Variants in RIPOR2 observed in about 807,000 individuals in gnomAD.
The protein encoded by RIPOR2 is rho family-interacting cell polarization regulator 2.
A neutral mutation model predicts 114.5 loss-of-function variants in RIPOR2; 39 were observed. The ratio of observed to expected loss-of-function variants is 0.34; its 90% confidence interval spans 0.26 to 0.44. The LOEUF is 0.44. RIPOR2 is among the 20% of genes least tolerant of loss of function. The pLI is 1.00. For missense variants in RIPOR2, 1,007 were observed against 1,255.1 expected (o/e 0.80, Z 2.99); for synonymous variants, 445 against 484.4 (o/e 0.92, Z 1.07).
At chr6:24,987,407 G>A (rs1014146201) in intron 1 of RIPOR2, among the ~76,000 whole-genome samples, 1 of 152,182 alleles carries the variant, frequency 6.6e-6, no homozygotes, top group Non-Finnish European at 1.5e-5. Context: ...ATGACTGACG[G>A]GTGGTGCCAT....
At position 24,871,744 on chromosome 6, in the gene RIPOR2, T is replaced by C. The variant is rs1373596440; in HGVS notation, c.424-855A>G. On this transcript the variant is annotated intron_variant, in intron 4 of 21. Transcript: ENST00000643898. ...GTGTGCTCATAGTATCATAGTATAA[T>C]CAGTGCACTATCCTCATATCCTCTA... Among the ~76,000 whole-genome samples the C allele has an allele frequency of 2.0e-5, 3 of 152,190 alleles. No individual in the cohort carries two copies. The East Asian group carries it at 5.8e-4, about 29-fold the overall frequency.
intron 7 of RIPOR2, 35 bp downstream of exon 7, chr6:24,865,266 G>T (rs1764473695): frequency 1.3e-6 from 2 of 1,561,670 alleles, no homozygotes; most frequent in South Asian, 1.2e-5. Context: ...AGGCCAGATG[G>T]GATTCGGCAA....
chr6:24,854,198 C>T (rs1270188720), intron 8 of RIPOR2, among the ~76,000 whole-genome samples: 1 of 150,978 alleles, frequency 6.6e-6, no homozygotes, highest in African/African-American at 2.4e-5. Context: ...AGTGGAGAGA[C>T]AGAAGGAGAT....
chr6:24,837,153 C>T lies in RIPOR2; in HGVS notation c.2040-1282G>A, dbSNP rs112872178. On this transcript the variant is annotated intron_variant, in intron 14 of 21. Coordinates refer to ENST00000643898, the MANE Select transcript of RIPOR2 (RefSeq NM_001286445.3). The stretch of plus-strand genomic sequence containing the variant: ...TATTATTTTTTTTGAGACGGAGTCT[C>T]GCACTGCCACCCAGGTTGGAGTGCA... 4.1e-3 allele frequency among the ~76,000 whole-genome samples: 627 copies of T among 152,226 alleles called. 3 individuals are homozygous for T. Among genetic ancestry groups the T allele is most frequent in the African/African-American group, 0.014 (575 of 41,536 alleles).
intron 21 of RIPOR2, among the ~76,000 whole-genome samples, chr6:24,808,072 T>C (rs1581452047): frequency 2.0e-5 from 3 of 152,308 alleles, no homozygotes; most frequent in African/African-American, 7.2e-5. Flanking sequence ...GCAGAATCTT[T>C]GGGAGTAGAT....
intron 9 of RIPOR2, 75 bp downstream of exon 9, chr6:24,852,500 C>T: frequency 8.8e-7 from 1 of 1,136,098 alleles, no homozygotes; most frequent in Non-Finnish European, 1.3e-6. Flanking sequence ...ACTTGAAAAG[C>T]AAAATAATGA....
At chr6:24,933,740 T>C (rs1364517777) in intron 1 of RIPOR2, among the ~76,000 whole-genome samples, 2 of 152,160 alleles carry the variant, frequency 1.3e-5, no homozygotes, top group African/African-American at 2.4e-5. Flanking sequence ...TTAGCTTGTA[T>C]GGGTACCACG....
chr6:24,894,041 A>G (rs920291289), intron 1 of RIPOR2, among the ~76,000 whole-genome samples: 2 of 152,160 alleles, frequency 1.3e-5, no homozygotes, highest in African/African-American at 2.4e-5. Flanking sequence ...CGAGCTACCA[A>G]AGAATTTAGT....
At chr6:24,933,780 C>T (rs116494809) in intron 1 of RIPOR2, among the ~76,000 whole-genome samples, 2,046 of 152,258 alleles carry the variant, frequency 0.013, 22 homozygotes, top group Non-Finnish European at 0.025. Context: ...GTCTGAATCT[C>T]GTTTGACTCC....
In RIPOR2 at chr6:24,977,653, C is replaced by T. The variant is rs376585500; in HGVS notation, c.76+64198G>A. Among the ~76,000 whole-genome samples the T allele has an allele frequency of 2.6e-4, 39 of 152,142 alleles. 2 individuals carry two copies. In the South Asian group the frequency reaches 7.1e-3, roughly 28 times the overall value. The stretch of plus-strand genomic sequence containing the variant: ...TCGATGGAAGGAAAAGAGCCAGGTC[C>T]CGTCACTGGCCCATCAGTGATGGGA... On this transcript the variant is annotated intron_variant, in intron 1 of 13. Coordinates refer to the RIPOR2 transcript ENST00000510784.
At chr6:25,005,738 T>TACATATATATACATAC (rs1554130559) in intron 1 of RIPOR2, among the ~76,000 whole-genome samples, 1 of 70,700 alleles carries the variant, frequency 1.4e-5, no homozygotes, top group Non-Finnish European at 3.3e-5. Context: ...TATATATATA[T>TACATATATATACATAC]ATACATTTAC....
chr6:25,007,425 T>C (rs1248168979), intron 1 of RIPOR2, among the ~76,000 whole-genome samples: 1 of 152,202 alleles, frequency 6.6e-6, no homozygotes, highest in Non-Finnish European at 1.5e-5. Context: ...CTCAATACTA[T>C]GACAAATCCT....
At chr6:24,941,483 T>G (rs968257781) in intron 1 of RIPOR2, among the ~76,000 whole-genome samples, 2 of 152,218 alleles carry the variant, frequency 1.3e-5, no homozygotes, top group African/African-American at 2.4e-5. Flanking sequence ...ATAATTTCAC[T>G]TTGAATCAGT....
chr6:24,858,181 C>A lies in RIPOR2; in HGVS notation c.715+2792G>T, dbSNP rs997944061. 1.3e-5 allele frequency among the ~76,000 whole-genome samples: 2 copies of A among 152,246 alleles called. No homozygotes were observed. The highest frequency in any genetic ancestry group is 2.9e-5 in the Non-Finnish European group (2 of 68,042). On this transcript the variant is annotated intron_variant, in intron 8 of 21. Transcript: ENST00000643898. The surrounding 1 kb of genome is among the most constrained non-coding windows in gnomAD (Gnocchi z 4.0). The stretch of plus-strand genomic sequence containing the variant: ...TGTTCCATTGAATGAGAATGCACAG[C>A]CTCATATGTCTGTTTTCTCTGGTAG...
At chr6:25,025,119 G>C (rs542523225) in intron 1 of RIPOR2, among the ~76,000 whole-genome samples, 1 of 152,288 alleles carries the variant, frequency 6.6e-6, no homozygotes, top group South Asian at 2.1e-4. Context: ...AGTTTGATAT[G>C]TAGCGGTCTC....
At chr6:25,004,986 TACACACACACACAC>T (rs58120451) in intron 1 of RIPOR2, among the ~76,000 whole-genome samples, 18,147 of 146,490 alleles carry the variant, frequency 0.12, 1,595 homozygotes, top group East Asian at 0.45. Flanking sequence ...TCAAATAGGC[TACACACACACACAC>T]ACACACACAC....
chr6:24,912,458 G>GC lies in RIPOR2; in HGVS notation c.61+23379dup, dbSNP rs34377259. Reference sequence around the variant, plus strand: ...TGCATCCATTTTTCCAAGATCCCTTGCCCCCCCCCTTTTTTTTTTGCCCTT... The same window carrying GC: ...TGCATCCATTTTTCCAAGATCCCTTGCCCCCCCCCCTTTTTTTTTTGCCCTT... On this transcript the variant is annotated intron_variant, in intron 1 of 21. Coordinates refer to ENST00000643898, the MANE Select transcript of RIPOR2 (RefSeq NM_001286445.3). Among the ~76,000 whole-genome samples the GC allele has an allele frequency of 7.0e-3, 913 of 130,140 alleles. 7 individuals carry two copies. Among genetic ancestry groups the GC allele is most frequent in the Middle Eastern group, 0.016 (4 of 252 alleles). The allele number at this position is 130,140 out of a possible 152,430, so 85.4% of individuals were successfully genotyped here. A position where few individuals can be genotyped will look rare whatever the true frequency, so the allele number is the denominator to read the frequency against.
intron 1 of RIPOR2, among the ~76,000 whole-genome samples, chr6:24,881,693 A>G (rs1047227416): frequency 2.0e-5 from 3 of 152,202 alleles, no homozygotes; most frequent in Admixed American, 2.0e-4. Flanking sequence ...AAGATTTTAC[A>G]TGTTCTTGTA....
intron 1 of RIPOR2, among the ~76,000 whole-genome samples, chr6:25,022,233 C>G (rs1232894235): frequency 6.6e-6 from 1 of 152,172 alleles, no homozygotes; most frequent in South Asian, 2.1e-4. Flanking sequence ...CCGTAGTCAA[C>G]CTCTCTAACC....
Sources: gnomAD v4.1 joint callset for allele counts (sites outside exome capture counted in the v4.1 genomes callset) on GRCh38, gnomAD v4.1.1 for gene constraint, Gnocchi (gnomAD v3.1) non-coding constraint, MANE v1.5 for transcripts, NCBI Gene and HGNC (gene_info 2026-07-23, HGNC 2026-07-21) for gene names.